Variants in PRKACB observed in about 807,000 individuals in gnomAD.
The protein encoded by PRKACB is cAMP-dependent protein kinase catalytic subunit beta.
A neutral mutation model predicts 51.4 loss-of-function variants in PRKACB; 16 were observed. The observed-to-expected ratio is 0.31, with a 90% CI of 0.21 to 0.47. PRKACB has a LOEUF of 0.47. Ranked by LOEUF, PRKACB falls within the 20% of genes least tolerant of loss-of-function variation. The probability of loss-of-function intolerance (pLI) is 1.00; values close to 1 mark genes in which losing one functional copy is unlikely to be tolerated. For missense variants in PRKACB, 309 were observed against 464.5 expected (o/e 0.67, Z 3.08); for synonymous variants, 147 against 154.4 (o/e 0.95, Z 0.35).
At chr1:84,219,219 T>C (rs1572513748) in intron 9 of PRKACB, among the ~76,000 whole-genome samples, 1 of 151,392 alleles carries the variant, frequency 6.6e-6, no homozygotes, top group East Asian at 1.9e-4. Flanking sequence ...TTTTTGTTTG[T>C]TTATTAGGTT....
chr1:84,146,142 T>TTG (rs201540445), intron 1 of PRKACB, among the ~76,000 whole-genome samples: 30 of 80,142 alleles, frequency 3.7e-4, no homozygotes, highest in Non-Finnish European at 5.1e-4. Context: ...AAAATGCTGT[T>TTG]TTGTTTTTTT....
At chr1:84,101,656 A>G (rs945013948) in intron 1 of PRKACB, among the ~76,000 whole-genome samples, 1 of 152,204 alleles carries the variant, frequency 6.6e-6, no homozygotes, top group Non-Finnish European at 1.5e-5. Context: ...GCAAAATTAT[A>G]AATACAAGAG....
Position 84,226,475 on chromosome 1 carries a change from A to G in PRKACB, c.1072-8705A>G, listed in dbSNP as rs115000406. On this transcript the variant is annotated intron_variant, in intron 9 of 9. Transcript: ENST00000370685. ...AGGAAGGAATTTATGTCTTAAAATT[A>G]TTGCTTAAATTTATATTTTGGTTGC... is the stretch of plus-strand genomic sequence containing the variant. Among the ~76,000 whole-genome samples the G allele has an allele frequency of 2.6e-3, 392 of 152,232 alleles. 1 individual carries two copies. Among genetic ancestry groups the G allele is most frequent in the African/African-American group, 9.0e-3 (374 of 41,568 alleles).
At chr1:84,090,933 A>G (rs565599471) in intron 1 of PRKACB, among the ~76,000 whole-genome samples, 1 of 151,692 alleles carries the variant, frequency 6.6e-6, no homozygotes, top group South Asian at 2.1e-4. Context: ...TTGGATCCCA[A>G]CCCCTCCTGC....
At chr1:84,192,624 C>G (rs868790705) in intron 5 of PRKACB, among the ~76,000 whole-genome samples, 1 of 152,082 alleles carries the variant, frequency 6.6e-6, no homozygotes, top group Non-Finnish European at 1.5e-5. Context: ...GAACTTGTCT[C>G]CGCTAGCTTT....
chr1:84,095,079 T>G (rs1214803207), intron 1 of PRKACB, among the ~76,000 whole-genome samples: 1 of 151,944 alleles, frequency 6.6e-6, no homozygotes, highest in Non-Finnish European at 1.5e-5. Flanking sequence ...CGATCTAGGT[T>G]TATGTAAGTG....
chr1:84,231,936 T>G (rs1275876246), intron 9 of PRKACB, among the ~76,000 whole-genome samples: 13 of 150,224 alleles, frequency 8.7e-5, no homozygotes, highest in African/African-American at 2.7e-4. Context: ...TCTGCTCTGA[T>G]TTTAGTTATT....
At chr1:84,078,469 AGG>A in intron 1 of PRKACB, 1 of 1,408,034 alleles carries the variant, frequency 7.1e-7, no homozygotes, top group Non-Finnish European at 9.6e-7. Context: ...GGCACGGGCC[AGG>A]CCTAGCAGCG....
chr1:84,124,224 A>G (rs1027215120), intron 1 of PRKACB, among the ~76,000 whole-genome samples: 1 of 152,246 alleles, frequency 6.6e-6, no homozygotes, highest in Non-Finnish European at 1.5e-5. Flanking sequence ...TGGTCAGTAC[A>G]GTAACGTGGG....
At chr1:84,084,269 T>A (rs1340135519) in intron 1 of PRKACB, among the ~76,000 whole-genome samples, 1 of 152,030 alleles carries the variant, frequency 6.6e-6, no homozygotes. Context: ...ATATTCAGGA[T>A]AAGGAAGTAA....
Position 84,235,508 on chromosome 1 carries a change from C to A in PRKACB, c.*203C>A. ...CACCGCTAAGCAAGCATTGTCTGTG[C>A]CATAACACAGTACTAGACCACTTTC... On this transcript the variant is annotated 3_prime_UTR_variant, in exon 10 of 10. Transcript: ENST00000370685. 1.7e-6 allele frequency: 1 copy of A among 599,938 alleles called. No individual in the cohort carries two copies. Among genetic ancestry groups the A allele is most frequent in the Non-Finnish European group, 2.9e-6 (1 of 350,664 alleles). 37.2% of individuals were successfully genotyped at this position (599,938 alleles called of 1,614,324 possible). A position where few individuals can be genotyped will look rare whatever the true frequency, so the allele number is the denominator to read the frequency against.
intron 1 of PRKACB, among the ~76,000 whole-genome samples, chr1:84,124,618 C>G (rs1651399516): frequency 2.0e-5 from 3 of 152,178 alleles, no homozygotes; most frequent in Admixed American, 2.0e-4. Context: ...GGCAACTACA[C>G]TAGCAGTCAA....
chr1:84,188,041 A>G (rs1039703954), intron 5 of PRKACB, among the ~76,000 whole-genome samples: 3 of 152,116 alleles, frequency 2.0e-5, no homozygotes, highest in Admixed American at 2.0e-4. Context: ...ACCTGTGCAA[A>G]TAGTCATATT....
intron 9 of PRKACB, among the ~76,000 whole-genome samples, chr1:84,226,050 A>G (rs1212637219): frequency 6.6e-6 from 1 of 152,100 alleles, no homozygotes; most frequent in Non-Finnish European, 1.5e-5. Flanking sequence ...CTGTTCTTGT[A>G]CTGTATATGT....
chr1:84,086,777 C>G (rs1272967728), intron 1 of PRKACB, among the ~76,000 whole-genome samples: 2 of 152,202 alleles, frequency 1.3e-5, no homozygotes, highest in Admixed American at 6.5e-5. Flanking sequence ...ATCCTCACCC[C>G]TCAGGGAGCC....
intron 9 of PRKACB, among the ~76,000 whole-genome samples, chr1:84,220,536 G>T (rs1336482309): frequency 6.6e-6 from 1 of 152,124 alleles, no homozygotes; most frequent in Non-Finnish European, 1.5e-5. Flanking sequence ...TAGAGGAAAG[G>T]CTTTCAACTT....
chr1:84,209,567 C>A (rs557996998), intron 8 of PRKACB, among the ~76,000 whole-genome samples: 1 of 152,304 alleles, frequency 6.6e-6, no homozygotes, highest in African/African-American at 2.4e-5. Context: ...TTAAGTGAGT[C>A]ACTAGAGTGG....
In PRKACB at chr1:84,094,131, C is replaced by T. The variant is rs181293681; in HGVS notation, c.46+15760C>T. On this transcript the variant is annotated intron_variant, in intron 1 of 8. Coordinates refer to the PRKACB transcript ENST00000370688. ...GATTAGGACTTGCAATACAGTAGTACATAGAAATCATGATAACAGCCACAC... is the reference window on the plus strand; with the variant it reads ...GATTAGGACTTGCAATACAGTAGTATATAGAAATCATGATAACAGCCACAC... 1.3e-3 allele frequency among the ~76,000 whole-genome samples: 201 copies of T among 151,992 alleles called. 6 individuals carry two copies. The highest frequency in any genetic ancestry group is 0.01 in the Middle Eastern group (3 of 294).
chr1:84,158,801 G>T (rs1655833115), intron 1 of PRKACB, among the ~76,000 whole-genome samples: 1 of 152,010 alleles, frequency 6.6e-6, no homozygotes, highest in Non-Finnish European at 1.5e-5. Context: ...TATTTTTTGA[G>T]TTAATTTTTA....
Sources: allele counts gnomAD v4.1 joint callset (sites outside exome capture counted in the v4.1 genomes callset), GRCh38; gene constraint gnomAD v4.1.1; transcripts MANE v1.5; gene names NCBI Gene and HGNC (gene_info 2026-07-23, HGNC 2026-07-21).